TDRD10: variants seen among roughly 807,000 people sequenced by gnomAD.
TDRD10 encodes the protein tudor domain-containing protein 10.
A neutral mutation model predicts 48.0 loss-of-function variants in TDRD10; 40 were observed. That is an observed-to-expected ratio of 0.83 (90% confidence interval 0.65 to 1.09). TDRD10 has a LOEUF of 1.09. TDRD10 is among the 50% of genes least tolerant of loss of function. TDRD10 has a pLI of 0.00. For synonymous variants in TDRD10, 162 were observed against 170.4 expected, an observed-to-expected ratio of 0.95 and a Z score of 0.38; for missense variants, 378 against 434.7, an observed-to-expected ratio of 0.87 and a Z score of 1.16.
At chr1:154,531,298 T>C (rs1694604695) in intron 6 of TDRD10, among the ~76,000 whole-genome samples, 1 of 152,186 alleles carries the variant, frequency 6.6e-6, no homozygotes, top group South Asian at 2.1e-4. Context: ...GCAGGTATTG[T>C]CTTTTTGTGT....
intron 6 of TDRD10, among the ~76,000 whole-genome samples, chr1:154,529,869 A>T (rs146382034): frequency 6.6e-6 from 1 of 152,004 alleles, no homozygotes; most frequent in African/African-American, 2.4e-5. Context: ...TAATGTCCCA[A>T]AGTTCTACCT....
intron 4 of TDRD10, among the ~76,000 whole-genome samples, chr1:154,518,046 ACCTC>A (rs1693866497): frequency 6.6e-6 from 1 of 152,126 alleles, no homozygotes; most frequent in African/African-American, 2.4e-5. Context: ...GAGTGCAGTA[ACCTC>A]CTGCCTGTCT....
intron 6 of TDRD10, among the ~76,000 whole-genome samples, chr1:154,525,930 G>T (rs12128984): frequency 6.9e-6 from 1 of 144,232 alleles, no homozygotes; most frequent in African/African-American, 2.6e-5. Flanking sequence ...GAGGCTGGGC[G>T]TGGTGGCTCA....
At chr1:154,507,378 C>T in intron 3 of TDRD10, 58 bp downstream of exon 3, 6 of 1,584,548 alleles carry the variant, frequency 3.8e-6, no homozygotes, top group Non-Finnish European at 5.2e-6. Context: ...ACTTGGATTC[C>T]AGTTAATGGT....
intron 6 of TDRD10, among the ~76,000 whole-genome samples, chr1:154,532,071 G>A (rs1221757559): frequency 6.6e-6 from 1 of 152,246 alleles, no homozygotes; most frequent in African/African-American, 2.4e-5. Context: ...CTGCCTGCCA[G>A]GCGGGTGCTG....
chr1:154,539,451 C>T (rs548606219), intron 6 of TDRD10, among the ~76,000 whole-genome samples: 3 of 152,264 alleles, frequency 2.0e-5, no homozygotes, highest in African/African-American at 4.8e-5. Context: ...TACAGGCACC[C>T]GCCACCACGG....
chr1:154,523,321 G>A (rs75720055), intron 6 of TDRD10, among the ~76,000 whole-genome samples: 1 of 152,142 alleles, frequency 6.6e-6, no homozygotes, highest in Non-Finnish European at 1.5e-5. Context: ...CCCACTCTGC[G>A]CTGTCCCCCA....
At chr1:154,532,962 C>A (rs969217305) in intron 6 of TDRD10, among the ~76,000 whole-genome samples, 2 of 99,110 alleles carry the variant, frequency 2.0e-5, no homozygotes, top group African/African-American at 6.6e-5. Flanking sequence ...CTCCACTACA[C>A]TTCTGACACC....
In TDRD10 at chr1:154,544,032, C is replaced by A; in HGVS notation, c.573C>A (p.Ser191Arg). The stretch of plus-strand genomic sequence containing the variant: ...TGAGCTGGCTGGCACTCATCCATAG[C>A]GTCCGTGGGGAGGCGGGGCTGCTGG... ...RDLSWLALIHSVRGEAGLLVT... is the reference protein window; with the variant it reads ...RDLSWLALIHRVRGEAGLLVT... Residue 191 changes from serine to arginine, a missense_variant, in exon 9 of 13, where the codon AGC (serine) becomes AGA (arginine). Coordinates refer to ENST00000368482, the MANE Select transcript of TDRD10 (RefSeq NM_182499.4). 6.2e-7 allele frequency: 1 copy of A among 1,614,202 alleles called. No individual in the cohort carries two copies. Among genetic ancestry groups the A allele is most frequent in the South Asian group, 1.1e-5 (1 of 91,084 alleles).
Position 154,526,659 on chromosome 1 carries a change from C to T in TDRD10, c.369+5180C>T, listed in dbSNP as rs938214899. ...TTGTAGAGACAGGGTTTCACCATGTCGGCCAGGCTGATCTCAAACTCCTGA... is the reference window on the plus strand; with the variant it reads ...TTGTAGAGACAGGGTTTCACCATGTTGGCCAGGCTGATCTCAAACTCCTGA... On this transcript the variant is annotated intron_variant, in intron 6 of 12. Transcript: ENST00000368482. Among the ~76,000 whole-genome samples the T allele has an allele frequency of 5.5e-4, 83 of 152,058 alleles. 1 individual carries two copies. The highest frequency in any genetic ancestry group is 1.7e-3 in the African/African-American group (71 of 41,496).
intron 4 of TDRD10, among the ~76,000 whole-genome samples, chr1:154,509,379 A>T (rs1693319997): frequency 6.6e-6 from 1 of 152,154 alleles, no homozygotes; most frequent in Non-Finnish European, 1.5e-5. Context: ...ATGCTCTAGG[A>T]AAGAAGCTAA....
At chr1:154,512,933 A>G (rs1270754395) in intron 4 of TDRD10, among the ~76,000 whole-genome samples, 2 of 152,182 alleles carry the variant, frequency 1.3e-5, no homozygotes, top group Admixed American at 1.3e-4. Context: ...AAGTGTTTGC[A>G]TGTGAAGCAA....
chr1:154,542,881 C>CACTCTCTGGGGGA, intron 8 of TDRD10, 60 bp downstream of exon 8: 4 of 1,424,596 alleles, frequency 2.8e-6, no homozygotes, highest in Non-Finnish European at 3.9e-6. Flanking sequence ...CCTCTGTCCC[C>CACTCTCTGGGGGA]CAGAGAGTGG....
At chr1:154,523,120 G>T (rs1694142921) in intron 6 of TDRD10, among the ~76,000 whole-genome samples, 1 of 152,134 alleles carries the variant, frequency 6.6e-6, no homozygotes, top group Admixed American at 6.5e-5. Context: ...TGACCAGGCT[G>T]ATCTCGAACT....
At chr1:154,516,258 T>G (rs2149320893) in intron 4 of TDRD10, among the ~76,000 whole-genome samples, 1 of 152,226 alleles carries the variant, frequency 6.6e-6, no homozygotes, top group East Asian at 1.9e-4. Flanking sequence ...AGGCGTTATG[T>G]GTAATAAGTA....
At position 154,547,429 on chromosome 1, in the gene TDRD10, G is replaced by A. The variant is rs1225337146; in HGVS notation, c.973G>A (p.Val325Ile). Residue 325 changes from valine (V) to isoleucine (I), a missense_variant, in exon 12 of 13, where the codon GTT becomes ATT. Coordinates refer to ENST00000368482, the MANE Select transcript of TDRD10 (RefSeq NM_182499.4). ...TGCAGACATTTTGAGTTCGTATGAG[G>A]TTGTCCATCGAATCCTCAAAGGGAA... ...LEKDILSSYE[V>I]VHRILKGKIT... The A allele has an allele frequency of 6.2e-7, 1 of 1,614,186 alleles. No individual in the cohort carries two copies. The highest frequency in any genetic ancestry group is 8.5e-7 in the Non-Finnish European group (1 of 1,180,048).
chr1:154,547,703 C>CTA lies in TDRD10; in HGVS notation c.1050_1051dup (p.Lys351IlefsTer32). 6.2e-7 allele frequency: 1 copy of CTA among 1,613,748 alleles called. No homozygotes were observed. Among genetic ancestry groups the CTA allele is most frequent in the Non-Finnish European group, 8.5e-7 (1 of 1,179,902 alleles). On this transcript the variant is annotated frameshift_variant, in exon 13 of 13. Transcript: ENST00000368482. LOFTEE classifies it high-confidence loss of function. ...TTGCACATCCTAAAGTTTGAAGAGT[C>CTA]TAAATAACGGGGCTTCCCTCAGCAT...
At chr1:154,530,658 T>C (rs1278391289) in intron 6 of TDRD10, among the ~76,000 whole-genome samples, 1 of 152,060 alleles carries the variant, frequency 6.6e-6, no homozygotes, top group Non-Finnish European at 1.5e-5. Context: ...TTGTGATATG[T>C]CTTGGCATTT....
intron 4 of TDRD10, among the ~76,000 whole-genome samples, chr1:154,514,223 G>A (rs73022008): frequency 0.069 from 10,423 of 152,124 alleles, 1,219 homozygotes; most frequent in African/African-American, 0.24. Flanking sequence ...ACTTAGAAAT[G>A]ATAACGAAAT....
Sources: gnomAD v4.1 joint callset for allele counts (sites outside exome capture counted in the v4.1 genomes callset) on GRCh38, gnomAD v4.1.1 for gene constraint, MANE v1.5 for transcripts, NCBI Gene and HGNC (gene_info 2026-07-23, HGNC 2026-07-21) for gene names.